SLC12A3: variants seen among roughly 807,000 people sequenced by gnomAD.
The protein encoded by SLC12A3 is solute carrier family 12 member 3, also known as Na-Cl cotransporter.
SLC12A3 carries 104 observed loss-of-function variants against 121.0 expected under a neutral mutation model. That is an observed-to-expected ratio of 0.86 (90% confidence interval 0.73 to 1.01). SLC12A3 has a LOEUF of 1.01. Among genes scored for constraint, SLC12A3 ranks in the 50% least tolerant of loss-of-function variants. The pLI, the probability that SLC12A3 is intolerant of heterozygous loss-of-function variation, is 0.00. For synonymous variants in SLC12A3, 536 were observed against 533.4 expected (o/e 1.00, Z -0.07); for missense variants, 1,328 against 1,356.3 (o/e 0.98, Z 0.33).
intron 10 of SLC12A3, 47 bp downstream of exon 10, chr16:56,879,274 G>A: frequency 6.2e-7 from 1 of 1,610,624 alleles, no homozygotes; most frequent in South Asian, 1.1e-5. Flanking sequence ...GGGCTGGGTG[G>A]AGGCTGCAGG....
At chr16:56,892,778 G>A (rs1297209510) in intron 20 of SLC12A3, among the ~76,000 whole-genome samples, 175 bp from the exon 21 acceptor site, 2 of 152,210 alleles carry the variant, frequency 1.3e-5, no homozygotes, top group Non-Finnish European at 2.9e-5. Flanking sequence ...GGAGAGAGAA[G>A]CTGAAAGCAG....
intron 4 of SLC12A3, 69 bp downstream of exon 4, chr16:56,869,893 A>G: frequency 6.8e-7 from 1 of 1,469,632 alleles, no homozygotes; most frequent in South Asian, 1.1e-5. Flanking sequence ...AGGACTCCCA[A>G]CTTCCCCAAC....
At chr16:56,867,649 C>T (rs1428210531) in intron 2 of SLC12A3, among the ~76,000 whole-genome samples, 4 of 152,158 alleles carry the variant, frequency 2.6e-5, no homozygotes, top group African/African-American at 7.2e-5. Context: ...CTGATCTTAA[C>T]GCTGCCAACT....
chr16:56,866,257 A>G (rs1175433645), intron 1 of SLC12A3, among the ~76,000 whole-genome samples: 1 of 152,158 alleles, frequency 6.6e-6, no homozygotes, highest in East Asian at 1.9e-4. Flanking sequence ...ACGTGCTGGA[A>G]TTACAGGCAT....
intron 23 of SLC12A3, among the ~76,000 whole-genome samples, chr16:56,901,032 C>T (rs1270932261): frequency 6.6e-6 from 1 of 151,490 alleles, no homozygotes; most frequent in African/African-American, 2.4e-5. Flanking sequence ...CAGTGACCTC[C>T]ACGTTGCCAC....
At chr16:56,906,618 C>T (rs1184075057) in intron 25 of SLC12A3, 18 of 369,816 alleles carry the variant, frequency 4.9e-5, no homozygotes, top group Non-Finnish European at 5.0e-6. Context: ...CTATGTCCTT[C>T]ACCCTGGGAA....
At chr16:56,884,681 G>A (rs1032645271) in intron 14 of SLC12A3, among the ~76,000 whole-genome samples, 11 of 152,162 alleles carry the variant, frequency 7.2e-5, no homozygotes, top group African/African-American at 2.7e-4. Flanking sequence ...AGAAAGCCTG[G>A]GATTCTAAGT....
chr16:56,868,349 G>A lies in SLC12A3; in HGVS notation c.482G>A (p.Trp161Ter), dbSNP rs201190064. ...GTGATCCTCTACCTGCGGCTGCCCT[G>A]GATTACGGCCCAGGCAGGCATCGGT... Reference protein sequence around the residue: ...WGVILYLRLPWITAQAGIVLT... With the variant: ...WGVILYLRLP Residue 161 changes from tryptophan (W) to a stop codon, truncating the protein, a stop_gained, in exon 3 of 26, where the codon TGG becomes TAG. Coordinates refer to ENST00000563236, the MANE Select transcript of SLC12A3 (RefSeq NM_001126108.2). LOFTEE classifies it high-confidence loss of function. 1.2e-5 allele frequency: 20 copies of A among 1,613,558 alleles called. No homozygotes were observed. The highest frequency in any genetic ancestry group is 2.7e-5 in the African/African-American group (2 of 74,926).
At position 56,872,324 on chromosome 16, in the gene SLC12A3, A is replaced by T. The variant is rs748696958; in HGVS notation, c.853-27A>T. 6 of 1,527,496 alleles carry T rather than the reference A, an allele frequency of 3.9e-6. No individual in the cohort carries two copies. In the African/African-American group the frequency reaches 6.8e-5, roughly 17 times the overall value. 94.6% of individuals were successfully genotyped at this position (1,527,496 alleles called of 1,614,324 possible). Reference sequence around the variant, plus strand: ...CAGAGAGGTAGAACAAAACTATCTGACCTCTGGGGTCCTTCGCCCCCTCCA... The same window carrying T: ...CAGAGAGGTAGAACAAAACTATCTGTCCTCTGGGGTCCTTCGCCCCCTCCA... On this transcript the variant is annotated intron_variant, in intron 6 of 25. Coordinates refer to ENST00000563236, the MANE Select transcript of SLC12A3 (RefSeq NM_001126108.2).
At chr16:56,883,743 C>A (rs370845399) in intron 13 of SLC12A3, among the ~76,000 whole-genome samples, 1 of 152,240 alleles carries the variant, frequency 6.6e-6, no homozygotes, top group Non-Finnish European at 1.5e-5. Flanking sequence ...TGTCCTTCCC[C>A]CTCCATCTCA....
chr16:56,902,531 G>GGGGGGTGCC, intron 24 of SLC12A3, 23 bp downstream of exon 24: 56 of 714,292 alleles, frequency 7.8e-5, no homozygotes, highest in Non-Finnish European at 1.0e-4. Context: ...GTGGGGGTGG[G>GGGGGGTGCC]AAACGCGACA....
chr16:56,885,825 A>T (rs1596920058), intron 15 of SLC12A3, among the ~76,000 whole-genome samples: 1 of 152,264 alleles, frequency 6.6e-6, no homozygotes, highest in East Asian at 1.9e-4. Flanking sequence ...AGTGCCTTAC[A>T]CAGCCTTACA....
At chr16:56,872,092 T>C (rs1454776788) in intron 6 of SLC12A3, among the ~76,000 whole-genome samples, 1 of 152,198 alleles carries the variant, frequency 6.6e-6, no homozygotes, top group Non-Finnish European at 1.5e-5. Flanking sequence ...CCTCAGGTGA[T>C]CCGCCCACCT....
rs554432544 is a variant in SLC12A3, at chr16:56,880,229, A to T, written c.1543A>T (p.Ile515Phe). 1 of 1,585,584 alleles carries T rather than the reference A, an allele frequency of 6.3e-7. No homozygotes were observed. The highest frequency in any genetic ancestry group is 8.6e-7 in the Non-Finnish European group (1 of 1,165,694). ...PVRGYLLAYA[I>F]AVAFIIIAEL... ...GCGTGGCTACCTGCTGGCCTACGCC[A>T]TCGCTGTGGCCTTCATCATCATCGG... Residue 515 changes from isoleucine (I) to phenylalanine (F), a missense_variant, in exon 12 of 26, where the codon ATC becomes TTC. Ile to Phe is a conservative substitution (Grantham distance 21). Coordinates refer to ENST00000563236, the MANE Select transcript of SLC12A3 (RefSeq NM_001126108.2).
rs1452050857 is a variant in SLC12A3 at position 56,913,271 on chromosome 16, C to A, written c.2932C>A (p.Pro978Thr). ...CTTTTTCATGCCTTGCAGCACTTTG[C>A]CCATAGGGAGGAAGGGGAAGTGCCC... is the stretch of plus-strand genomic sequence containing the variant. ...RDAALIVITL[P>T]IGRKGKCPSS... is the part of the protein sequence containing the mutation. Residue 978 changes from proline (P) to threonine (T), a missense_variant, in exon 26 of 26, where the codon CCC (proline) becomes ACC (threonine). Transcript: ENST00000563236. The A allele has an allele frequency of 2.5e-6, 4 of 1,614,156 alleles. No individual in the cohort carries two copies. The highest frequency in any genetic ancestry group is 3.3e-4 in the Middle Eastern group (2 of 6,060).
At chr16:56,893,965 TTTTTATTTTATTTATTTA>T (rs1397361630) in intron 21 of SLC12A3, among the ~76,000 whole-genome samples, 168 of 136,772 alleles carry the variant, frequency 1.2e-3, no homozygotes, top group Middle Eastern at 3.7e-3. Context: ...TTTATTTTTA[TTTTTATTTTATTTATTTA>T]TTTATTTATT....
intron 16 of SLC12A3, among the ~76,000 whole-genome samples, chr16:56,886,720 G>T (rs1316858905): frequency 6.6e-6 from 1 of 151,774 alleles, no homozygotes; most frequent in Non-Finnish European, 1.5e-5. Flanking sequence ...TCCCCTTCCT[G>T]GCCCCTCTTG....
chr16:56,879,279 T>A (rs1455717098), intron 10 of SLC12A3, 52 bp downstream of exon 10: 1 of 1,608,350 alleles, frequency 6.2e-7, no homozygotes, highest in African/African-American at 1.3e-5. Context: ...GGGTGGAGGC[T>A]GCAGGGCCCC....
chr16:56,882,326 G>A, intron 12 of SLC12A3, 70 bp from the exon 13 acceptor site: 1 of 1,297,354 alleles, frequency 7.7e-7, no homozygotes. Flanking sequence ...ACCCTGGGAA[G>A]GAGGGTGCCA....
Sources: gnomAD v4.1 joint callset for allele counts (sites outside exome capture counted in the v4.1 genomes callset) on GRCh38, gnomAD v4.1.1 for gene constraint, MANE v1.5 for transcripts, NCBI Gene and HGNC (gene_info 2026-07-23, HGNC 2026-07-21) for gene names.